The following RYR3 variants were observed in gnomAD, a reference collection of about 807,000 sequenced individuals.
The protein encoded by RYR3 is ryanodine receptor 3, also known as brain ryanodine receptor-calcium release channel.
RYR3 carries 207 observed loss-of-function variants against 584.3 expected under a neutral mutation model. The observed-to-expected ratio is 0.35, with a 90% CI of 0.32 to 0.40. The LOEUF is 0.40. Ranked by LOEUF, RYR3 falls within the 10% of genes least tolerant of loss-of-function variation. The pLI is 1.00. For synonymous variants in RYR3, 2,416 were observed against 2,248.5 expected (o/e 1.07, Z -2.11); for missense variants, 5,616 against 6,089.2 (o/e 0.92, Z 2.59).
At chr15:33,462,864 C>A (rs2142089823) in intron 1 of RYR3, among the ~76,000 whole-genome samples, 1 of 152,150 alleles carries the variant, frequency 6.6e-6, no homozygotes, top group Middle Eastern at 3.4e-3. Flanking sequence ...GTTAAAGTGT[C>A]CTGGTCATAT....
intron 1 of RYR3, among the ~76,000 whole-genome samples, chr15:33,459,349 G>T (rs2047827839): frequency 6.6e-6 from 1 of 152,184 alleles, no homozygotes; most frequent in South Asian, 2.1e-4. Flanking sequence ...CTGGAGACCT[G>T]GGGTTCCCTT....
chr15:33,816,328 A>C (rs918959760), intron 74 of RYR3, among the ~76,000 whole-genome samples: 3 of 152,234 alleles, frequency 2.0e-5, no homozygotes, highest in Admixed American at 2.0e-4. Flanking sequence ...TATGCCAACG[A>C]CGTAACGTGC....
At chr15:33,363,750 G>A (rs1975091064) in intron 1 of RYR3, among the ~76,000 whole-genome samples, 1 of 152,196 alleles carries the variant, frequency 6.6e-6, no homozygotes, top group Non-Finnish European at 1.5e-5. Flanking sequence ...CTCACACTCA[G>A]AACTTTCTGT....
At chr15:33,628,401 C>T in intron 20 of RYR3, 70 bp from the exon 21 acceptor site, 1 of 1,111,934 alleles carries the variant, frequency 9.0e-7, no homozygotes, top group Non-Finnish European at 1.4e-6. Flanking sequence ...AAGTGGGGTG[C>T]CCAGCTCCTA....
intron 12 of RYR3, among the ~76,000 whole-genome samples, chr15:33,568,702 A>G (rs2057853055): frequency 6.6e-6 from 1 of 152,210 alleles, no homozygotes; most frequent in Non-Finnish European, 1.5e-5. Flanking sequence ...AAATGTTGGC[A>G]TTATAGGCAT....
At chr15:33,339,541 G>A (rs1199749882) in intron 1 of RYR3, among the ~76,000 whole-genome samples, 1 of 152,150 alleles carries the variant, frequency 6.6e-6, no homozygotes, top group Non-Finnish European at 1.5e-5. Context: ...ATCACAAAAA[G>A]CCAAAGATAG....
At chr15:33,751,496 C>CT (rs1407692823) in intron 57 of RYR3, among the ~76,000 whole-genome samples, 5 of 151,832 alleles carry the variant, frequency 3.3e-5, no homozygotes, top group African/African-American at 1.2e-4. Flanking sequence ...TGATGATGAG[C>CT]TTTTTTTCGT....
intron 1 of RYR3, among the ~76,000 whole-genome samples, chr15:33,346,776 A>G (rs1381214885): frequency 6.6e-6 from 1 of 152,170 alleles, no homozygotes; most frequent in Admixed American, 6.5e-5. Flanking sequence ...CTTTATTTGT[A>G]AAGGCCCTAA....
At chr15:33,573,971 A>G (rs1391647086) in intron 12 of RYR3, among the ~76,000 whole-genome samples, 1 of 152,206 alleles carries the variant, frequency 6.6e-6, no homozygotes, top group Non-Finnish European at 1.5e-5. Context: ...TGTTTCTTCA[A>G]GGGGCAAGAT....
rs747996632 is a variant in RYR3, at chr15:33,586,129, A to G, written c.1788+13A>G. 70 of 1,499,250 alleles carry G rather than the reference A, an allele frequency of 4.7e-5. No individual in the cohort carries two copies. Among genetic ancestry groups the G allele is most frequent in the Non-Finnish European group, 6.3e-5 (68 of 1,075,242 alleles). 92.9% of individuals were successfully genotyped at this position (1,499,250 alleles called of 1,614,324 possible). A position where few individuals can be genotyped will look rare whatever the true frequency, so the allele number is the denominator to read the frequency against. On this transcript the variant is annotated intron_variant, in intron 16 of 103. Transcript: ENST00000634891. ...GCGGAATCACAAGGTAGGTGTGGAA[A>G]GAACGGTGATTGACTTTGCCTGGTG...
intron 60 of RYR3, among the ~76,000 whole-genome samples, chr15:33,767,291 A>G (rs1458219155): frequency 6.6e-6 from 1 of 150,798 alleles, no homozygotes; most frequent in African/African-American, 2.5e-5. Context: ...CTTCAGCTCC[A>G]TGAGTTTGCA....
At chr15:33,367,005 C>T (rs867067071) in intron 1 of RYR3, among the ~76,000 whole-genome samples, 1 of 152,188 alleles carries the variant, frequency 6.6e-6, no homozygotes, top group South Asian at 2.1e-4. Context: ...GCCAATTTAG[C>T]ACTGGGATTG....
rs1215417452 is a variant in RYR3 at position 33,750,381 on chromosome 15, A to G, written c.8399+95A>G. The G allele has an allele frequency of 4.9e-5, 61 of 1,234,888 alleles. 2 individuals carry two copies. Among genetic ancestry groups the G allele is most frequent in the South Asian group, 4.7e-4 (31 of 65,592 alleles). The allele number at this position is 1,234,888 out of a possible 1,614,324, so 76.5% of individuals were successfully genotyped here. The stretch of plus-strand genomic sequence containing the variant: ...CAAAACCCATCCAAGTAAGGAGAAC[A>G]ATTGAGTCTTTTAAAATGAGAACAT... On this transcript the variant is annotated intron_variant, in intron 57 of 103. Coordinates refer to ENST00000634891, the MANE Select transcript of RYR3 (RefSeq NM_001036.6).
At chr15:33,475,970 T>C (rs181528510) in intron 2 of RYR3, among the ~76,000 whole-genome samples, 127 of 152,282 alleles carry the variant, frequency 8.3e-4, no homozygotes, top group African/African-American at 2.9e-3. Flanking sequence ...ATAATATATA[T>C]AAAGCACATA....
At chr15:33,338,670 G>A (rs775768846) in intron 1 of RYR3, among the ~76,000 whole-genome samples, 5 of 152,062 alleles carry the variant, frequency 3.3e-5, no homozygotes, top group South Asian at 2.1e-4. Context: ...GCAGGTTTTC[G>A]TGACCCAGTT....
intron 65 of RYR3, 122 bp downstream of exon 65, chr15:33,780,463 G>A: frequency 1.0e-6 from 1 of 967,686 alleles, no homozygotes; most frequent in South Asian, 1.7e-5. Flanking sequence ...GAGCCAGGAG[G>A]TGAGGTTAGG....
At chr15:33,621,323 A>T (rs1176636032) in intron 19 of RYR3, among the ~76,000 whole-genome samples, 15 of 152,232 alleles carry the variant, frequency 9.9e-5, no homozygotes, top group African/African-American at 3.6e-4. Flanking sequence ...CACAGGAAAG[A>T]TGCTCAATGA....
At chr15:33,594,398 T>G (rs675987) in intron 16 of RYR3, among the ~76,000 whole-genome samples, 67,584 of 152,046 alleles carry the variant, frequency 0.44, 15,530 homozygotes, top group East Asian at 0.79. Context: ...ACAAATATGC[T>G]CCAAATTTTG....
rs1436440560 is a variant in RYR3, at chr15:33,646,394, A to T, written c.3809A>T (p.Lys1270Met). 1 of 1,613,336 alleles carries T rather than the reference A, an allele frequency of 6.2e-7. No homozygotes were observed. Among genetic ancestry groups the T allele is most frequent in the Non-Finnish European group, 8.5e-7 (1 of 1,179,404 alleles). The change falls in exon 29 of 104, where the codon AAG (lysine) becomes ATG (methionine). Residue 1270 changes from lysine to methionine, a missense_variant. By Grantham distance (95) the Lys-to-Met change is moderately conservative (BLOSUM62 -1). Coordinates refer to ENST00000634891, the MANE Select transcript of RYR3 (RefSeq NM_001036.6). ...ACCATGGACAGCCCTCCGTGTCTCA[A>T]GGTGACGCATAAGACATTTGGCACA... ...DGTMDSPPCL[K>M]VTHKTFGTQN...
Sources: allele counts gnomAD v4.1 joint callset (sites outside exome capture counted in the v4.1 genomes callset), GRCh38; gene constraint gnomAD v4.1.1; transcripts MANE v1.5; gene names NCBI Gene and HGNC (gene_info 2026-07-23, HGNC 2026-07-21).